The following TANC2 variants were observed in gnomAD, a reference collection of about 807,000 sequenced individuals.
TANC2 encodes the protein tetratricopeptide repeat, ankyrin repeat and coiled-coil containing 2, also known as protein TANC2.
Under a neutral mutation model 210.5 loss-of-function variants are expected in TANC2, and 26 were observed. The observed-to-expected ratio is 0.12, with a 90% CI of 0.09 to 0.17. TANC2 has a LOEUF of 0.17. Among genes scored for constraint, TANC2 ranks in the 10% least tolerant of loss-of-function variants. The probability of loss-of-function intolerance (pLI) is 1.00; values close to 1 mark genes in which losing one functional copy is unlikely to be tolerated. For synonymous variants in TANC2, 931 were observed against 967.1 expected (o/e 0.96, Z 0.69); for missense variants, 2,129 against 2,608.9 (o/e 0.82, Z 4.01).
chr17:63,318,207 C>T (rs1291583725), intron 10 of TANC2, among the ~76,000 whole-genome samples: 1 of 152,140 alleles, frequency 6.6e-6, no homozygotes, highest in East Asian at 1.9e-4. Flanking sequence ...CTAATATTTA[C>T]TTTGGTATCT....
chr17:63,343,275 A>C (rs765339470), intron 12 of TANC2, among the ~76,000 whole-genome samples: 1 of 152,226 alleles, frequency 6.6e-6, no homozygotes, highest in Non-Finnish European at 1.5e-5. Flanking sequence ...ATAAACATGG[A>C]GCATAAGAAA....
chr17:63,420,040 A>C lies in TANC2; in HGVS notation c.4310A>C (p.Lys1437Thr). The C allele has an allele frequency of 6.4e-7, 1 of 1,551,704 alleles. No individual in the cohort carries two copies. The change falls in exon 28 of 28, where the codon AAG (lysine) becomes ACG (threonine). Residue 1437 changes from lysine (K) to threonine (T), a missense_variant. Coordinates refer to ENST00000689528, the Ensembl canonical transcript of TANC2. This position sits in a 1 kb window ranked among gnomAD's most constrained non-coding sequence, Gnocchi z 4.2. Reference sequence around the variant, plus strand: ...TTAGAGGACCTGAACGAGGCCATCAAGCTGTGTCCCAACAACCGTGAGATC... The same window carrying C: ...TTAGAGGACCTGAACGAGGCCATCACGCTGTGTCCCAACAACCGTGAGATC...
intron 20 of TANC2, 104 bp from the exon 21 acceptor site, chr17:63,406,050 C>A (rs2048495674): frequency 1.4e-6 from 2 of 1,448,884 alleles, no homozygotes; most frequent in South Asian, 1.3e-5. Flanking sequence ...ACATGGGTGA[C>A]TCGTACAGCA....
At chr17:62,997,677 T>C (rs2033181206) in intron 1 of TANC2, among the ~76,000 whole-genome samples, 1 of 152,218 alleles carries the variant, frequency 6.6e-6, no homozygotes, top group Admixed American at 6.5e-5. Flanking sequence ...TGTATTACTT[T>C]ACATTATTTT....
intron 4 of TANC2, chr17:63,148,993 T>A (rs952115977): frequency 4.6e-5 from 7 of 152,110 alleles, no homozygotes; most frequent in African/African-American, 1.7e-4. Context: ...ACAGTTTAAC[T>A]TTATTATTAG....
chr17:63,402,497 C>G (rs1161086823), intron 19 of TANC2, among the ~76,000 whole-genome samples: 1 of 152,200 alleles, frequency 6.6e-6, no homozygotes, highest in Non-Finnish European at 1.5e-5. Flanking sequence ...TCCTACCCGA[C>G]CCCTTGATCT....
At chr17:63,406,026 G>A (rs184880476) in intron 20 of TANC2, 128 bp from the exon 21 acceptor site, 53 of 1,197,298 alleles carry the variant, frequency 4.4e-5, no homozygotes, top group Non-Finnish European at 5.8e-5. Context: ...TACTTATGGG[G>A]GAAGTGGAAA....
At chr17:63,037,779 GT>G (rs2035031016) in intron 2 of TANC2, among the ~76,000 whole-genome samples, 1 of 152,026 alleles carries the variant, frequency 6.6e-6, no homozygotes, top group South Asian at 2.1e-4. Context: ...GTGCCACTGT[GT>G]TCCAGCTGGG....
At chr17:63,285,156 A>G (rs1020817333) in intron 9 of TANC2, among the ~76,000 whole-genome samples, 1 of 152,034 alleles carries the variant, frequency 6.6e-6, no homozygotes, top group Non-Finnish European at 1.5e-5. Flanking sequence ...CATCATAGTG[A>G]TGGGTCTTGC....
chr17:63,196,074 A>AC (rs1211297280), intron 6 of TANC2, among the ~76,000 whole-genome samples: 1 of 152,100 alleles, frequency 6.6e-6, no homozygotes, highest in Non-Finnish European at 1.5e-5. Context: ...TAATAATTGC[A>AC]CCTGCCCATC....
At chr17:63,193,543 G>A (rs556194534) in intron 5 of TANC2, among the ~76,000 whole-genome samples, 6 of 152,284 alleles carry the variant, frequency 3.9e-5, no homozygotes, top group East Asian at 3.9e-4. Context: ...GCATCAAACC[G>A]TATGACACTT....
intron 14 of TANC2, among the ~76,000 whole-genome samples, chr17:63,370,319 C>CT (rs1213505220): frequency 1.3e-5 from 2 of 151,994 alleles, no homozygotes; most frequent in African/African-American, 4.8e-5. Flanking sequence ...GCTGAGACTA[C>CT]AGGCATCCGC....
At chr17:63,351,531 G>T in intron 13 of TANC2, 115 bp downstream of exon 13, 1 of 736,252 alleles carries the variant, frequency 1.4e-6, no homozygotes. Context: ...GCATTATGAA[G>T]AATAATTCCC....
At chr17:63,408,953 G>A (rs2064626100) in intron 21 of TANC2, among the ~76,000 whole-genome samples, 1 of 152,068 alleles carries the variant, frequency 6.6e-6, no homozygotes, top group Non-Finnish European at 1.5e-5. Flanking sequence ...TTACAGTCTG[G>A]GTCTTAAGAA....
chr17:63,063,402 T>C (rs992743730), intron 2 of TANC2, among the ~76,000 whole-genome samples: 2 of 152,210 alleles, frequency 1.3e-5, no homozygotes, highest in African/African-American at 4.8e-5. Context: ...TAATCATGGC[T>C]TGGTCTTTCT....
chr17:63,331,762 A>G (rs975776816), intron 11 of TANC2, among the ~76,000 whole-genome samples: 1 of 152,096 alleles, frequency 6.6e-6, no homozygotes, highest in East Asian at 1.9e-4. Flanking sequence ...CTTTGGCAAT[A>G]AAAAACCAAA....
chr17:63,067,812 C>G (rs1270898531), intron 2 of TANC2, among the ~76,000 whole-genome samples: 1 of 151,974 alleles, frequency 6.6e-6, no homozygotes, highest in African/African-American at 2.4e-5. Context: ...CCACAGGGAT[C>G]TGTAGGATAA....
chr17:63,153,038 A>G (rs1303327211), intron 5 of TANC2: 1 of 152,202 alleles, frequency 6.6e-6, no homozygotes, highest in African/African-American at 2.4e-5. Context: ...TTTAAAGCAT[A>G]GAAACTTTAT....
chr17:63,308,512 A>G (rs933372628), intron 9 of TANC2, among the ~76,000 whole-genome samples: 1 of 152,086 alleles, frequency 6.6e-6, no homozygotes, highest in African/African-American at 2.4e-5. Flanking sequence ...TAAACCAAGT[A>G]CTCAGCCTGA....
Sources: gnomAD v4.1 joint callset for allele counts (sites outside exome capture counted in the v4.1 genomes callset) on GRCh38, gnomAD v4.1.1 for gene constraint, Gnocchi (gnomAD v3.1) non-coding constraint, MANE v1.5 for transcripts, NCBI Gene and HGNC (gene_info 2026-07-23, HGNC 2026-07-21) for gene names.